COL1A2: variants seen among roughly 807,000 people sequenced by gnomAD.
COL1A2 encodes the protein collagen type I alpha 2 chain, also known as collagen alpha-2(I) chain.
Under a neutral mutation model 174.3 loss-of-function variants are expected in COL1A2, and 49 were observed. That is an observed-to-expected ratio of 0.28 (90% CI 0.22 to 0.36). COL1A2 has a LOEUF of 0.36. COL1A2 is among the 10% of genes least tolerant of loss of function. The pLI, the probability that COL1A2 is intolerant of heterozygous loss-of-function variation, is 1.00. For synonymous variants in COL1A2, 655 were observed against 606.6 expected (o/e 1.08, Z -1.17); for missense variants, 1,438 against 1,822.7 (o/e 0.79, Z 3.84).
Position 94,399,090 on chromosome 7 carries a change from TA to T in COL1A2, c.132+8del. 1 of 1,613,540 alleles carries T rather than the reference TA, an allele frequency of 6.2e-7. No homozygotes were observed. Among genetic ancestry groups the T allele is most frequent in the South Asian group, 1.1e-5 (1 of 91,072 alleles). On this transcript the variant is annotated splice_region_variant and intron_variant, in intron 4 of 51. Transcript: ENST00000297268. Reference sequence around the variant, plus strand: ...GAGGACCACGTGGAGAAAGGGTGTGTAATTTTTGAACTATAAAGGGCTTCGT... The same window carrying T: ...GAGGACCACGTGGAGAAAGGGTGTGTATTTTTGAACTATAAAGGGCTTCGT...
intron 1 of COL1A2, chr7:94,395,679 G>C (rs1027042815): frequency 1.7e-5 from 3 of 181,590 alleles, no homozygotes; most frequent in African/African-American, 4.8e-5. Flanking sequence ...TAAGCAGATG[G>C]AATCCCAATT....
intron 26 of COL1A2, 45 bp downstream of exon 26, chr7:94,413,181 T>TA (rs1791966677): frequency 1.9e-6 from 3 of 1,574,474 alleles, no homozygotes; most frequent in Admixed American, 3.3e-5. Flanking sequence ...AGCATTCATC[T>TA]AAGAACCACA....
Position 94,407,019 on chromosome 7 carries a change from T to G in COL1A2, c.594+716T>G, listed in dbSNP as rs142046527. Among the ~76,000 whole-genome samples, 72 of 152,284 alleles carry G rather than the reference T, an allele frequency of 4.7e-4. 1 individual carries two copies. The highest frequency in any genetic ancestry group is 1.6e-3 in the African/African-American group (65 of 41,558). On this transcript the variant is annotated intron_variant, in intron 12 of 51. Transcript: ENST00000297268. ...AACTCATTCTCCCAAGAGCCCGATA[T>G]AACAGCTCAGACTACTAATCACTGT...
Position 94,426,019 on chromosome 7 carries a change from C to T in COL1A2, c.2965C>T (p.Pro989Ser). The change falls in exon 45 of 52, where the codon CCT becomes TCT. Residue 989 changes from proline (P) to serine (S), a missense_variant. Pro to Ser is a moderately conservative substitution (Grantham distance 74). This residue lies in a region of COL1A2 where 867 missense variants were observed against 1,213.7 expected (regional missense o/e 0.71). Coordinates refer to ENST00000297268, the MANE Select transcript of COL1A2 (RefSeq NM_000089.4). ...GETGPSGPVG[P>S]AGAVGPRGPS... Reference sequence around the variant, plus strand: ...ACAGGGTCCTTCTGGTCCTGTTGGTCCTGCTGGTGCTGTTGGCCCAAGAGG... The same window carrying T: ...ACAGGGTCCTTCTGGTCCTGTTGGTTCTGCTGGTGCTGTTGGCCCAAGAGG... 6.2e-7 allele frequency: 1 copy of T among 1,614,066 alleles called. No homozygotes were observed. The highest frequency in any genetic ancestry group is 8.5e-7 in the Non-Finnish European group (1 of 1,180,000).
intron 39 of COL1A2, among the ~76,000 whole-genome samples, chr7:94,422,207 AC>A (rs1278338119): frequency 3.6e-4 from 53 of 147,250 alleles, no homozygotes; most frequent in Non-Finnish European, 6.5e-4. Context: ...AAAAAAAAAA[AC>A]AAAAAAACGA....
At chr7:94,405,493 T>C (rs1791776522) in intron 10 of COL1A2, among the ~76,000 whole-genome samples, 180 bp from the exon 11 acceptor site, 1 of 152,234 alleles carries the variant, frequency 6.6e-6, no homozygotes, top group African/African-American at 2.4e-5. Flanking sequence ...TTTCTACAAA[T>C]ACCGTATTAT....
At chr7:94,409,979 CTGCTA>C (rs1344120017) in intron 19 of COL1A2, among the ~76,000 whole-genome samples, 158 bp downstream of exon 19, 12 of 152,214 alleles carry the variant, frequency 7.9e-5, no homozygotes, top group African/African-American at 2.9e-4. Context: ...ACACTCCCGT[CTGCTA>C]TATGCACACA....
rs530944722 is a variant in COL1A2 at position 94,404,740 on chromosome 7, T to C, written c.372T>C (p.Gly124=). Residue 124 remains glycine, a synonymous_variant, in exon 8 of 52, where the codon GGT becomes GGC. Transcript: ENST00000297268. The part of the protein sequence containing the change: ...QGPAGEPGEP[G]QTGPAGARGP... ...CTGCTGGTGAGCCTGGTGAACCTGG[T>C]CAAACTGTGAGTACATTTTTCCACC... 2 of 1,614,198 alleles carry C rather than the reference T, an allele frequency of 1.2e-6. No individual in the cohort carries two copies. The highest frequency in any genetic ancestry group is 2.7e-5 in the African/African-American group (2 of 75,048).
intron 31 of COL1A2, among the ~76,000 whole-genome samples, chr7:94,417,063 A>G (rs112794844): frequency 1.3e-5 from 2 of 152,192 alleles, no homozygotes; most frequent in Non-Finnish European, 2.9e-5. Flanking sequence ...AAGACAACAC[A>G]TATTATTTTC....
At position 94,424,688 on chromosome 7, in the gene COL1A2, T is replaced by C. The variant is rs441051; in HGVS notation, c.2673+245T>C. 0.77 allele frequency: 398,994 copies of C among 520,948 alleles called. 153,831 individuals are homozygous for C. Among genetic ancestry groups the C allele is most frequent in the East Asian group, 0.92 (26,359 of 28,498 alleles). 32.3% of individuals were successfully genotyped at this position (520,948 alleles called of 1,614,324 possible). Reference sequence around the variant, plus strand: ...TTTGTTCTTTCCACGCACTTAGGAATGATACAATCTCTAATTGCGTTTACT... The same window carrying C: ...TTTGTTCTTTCCACGCACTTAGGAACGATACAATCTCTAATTGCGTTTACT... On this transcript the variant is annotated intron_variant, in intron 41 of 51. Transcript: ENST00000297268.
In COL1A2 at chr7:94,413,954, C is replaced by T; in HGVS notation, c.1665+7C>T. The T allele has an allele frequency of 1.2e-6, 2 of 1,611,818 alleles. No individual in the cohort carries two copies. The highest frequency in any genetic ancestry group is 1.1e-5 in the South Asian group (1 of 91,014). On this transcript the variant is annotated splice_region_variant and intron_variant, in intron 28 of 51. Transcript: ENST00000297268. ...TGGTCCTCCAGGCTTCCAGGTAAGT[C>T]AACTCAAACATATACAATACTGCCT...
chr7:94,403,363 T>A (rs945739427), intron 6 of COL1A2, among the ~76,000 whole-genome samples: 1 of 152,198 alleles, frequency 6.6e-6, no homozygotes, highest in Non-Finnish European at 1.5e-5. Context: ...ATAATTTCCA[T>A]GTTGGAAAAT....
rs370621459 is a variant in COL1A2, at chr7:94,424,460, A to T, written c.2673+17A>T. 1.2e-6 allele frequency: 2 copies of T among 1,603,730 alleles called. No individual in the cohort carries two copies. The highest frequency in any genetic ancestry group is 1.1e-5 in the South Asian group (1 of 90,858). Reference sequence around the variant, plus strand: ...GGTGCTGTGGTGAGTGCTTGACAGTATTCTGACTCCATTAACATAAGAAAA... The same window carrying T: ...GGTGCTGTGGTGAGTGCTTGACAGTTTTCTGACTCCATTAACATAAGAAAA... On this transcript the variant is annotated intron_variant, in intron 41 of 51. Coordinates refer to ENST00000297268, the MANE Select transcript of COL1A2 (RefSeq NM_000089.4).
chr7:94,426,364 G>T, intron 45 of COL1A2, 59 bp from the exon 46 acceptor site: 1 of 1,425,984 alleles, frequency 7.0e-7, no homozygotes, highest in East Asian at 2.5e-5. Flanking sequence ...TATTTGTGGT[G>T]AAGTGAGTGC....
At chr7:94,416,535 T>A in intron 31 of COL1A2, 32 bp downstream of exon 31, 1 of 1,484,710 alleles carries the variant, frequency 6.7e-7, no homozygotes, top group Non-Finnish European at 9.2e-7. Flanking sequence ...ATTGCTGGTT[T>A]GGCCCAGTCT....
intron 21 of COL1A2, 72 bp downstream of exon 21, chr7:94,410,599 T>C: frequency 2.3e-6 from 3 of 1,277,640 alleles, no homozygotes; most frequent in Non-Finnish European, 3.3e-6. Flanking sequence ...TGGGAATTGG[T>C]CAAAATTACT....
chr7:94,410,582 C>T, intron 21 of COL1A2, 55 bp downstream of exon 21: 1 of 1,424,598 alleles, frequency 7.0e-7, no homozygotes, highest in African/African-American at 1.4e-5. Context: ...TTATGATACC[C>T]CTTCACTGGG....
chr7:94,424,957 A>C (rs1276419992), intron 41 of COL1A2, 160 bp from the exon 42 acceptor site: 5 of 681,994 alleles, frequency 7.3e-6, no homozygotes, highest in Admixed American at 4.2e-5. Context: ...AGGAGGGCAG[A>C]GATGATACTA....
rs1357432783 is a variant in COL1A2 at position 94,408,128 on chromosome 7, G to A, written c.640-55G>A. On this transcript the variant is annotated intron_variant, in intron 13 of 51. Transcript: ENST00000297268. ...AAACTGAACAAAGCAAATGATGCCT[G>A]TGACTTTTTTTAAATTAGCATTCTG... 1.0e-5 allele frequency: 16 copies of A among 1,580,160 alleles called. No homozygotes were observed. In the East Asian group the frequency reaches 2.9e-4, roughly 29 times the overall value.
Sources: allele counts gnomAD v4.1 joint callset (sites outside exome capture counted in the v4.1 genomes callset), GRCh38; gene constraint gnomAD v4.1.1; regional missense constraint gnomAD v4.1.1; transcripts MANE v1.5; gene names NCBI Gene and HGNC (gene_info 2026-07-23, HGNC 2026-07-21).